MYRIP: variants seen among roughly 807,000 people sequenced by gnomAD.
The protein encoded by MYRIP is rab effector MyRIP.
MYRIP carries 49 observed loss-of-function variants against 98.0 expected under a neutral mutation model. That is an observed-to-expected ratio of 0.50 (90% CI 0.40 to 0.63). The LOEUF is 0.63. Among genes scored for constraint, MYRIP ranks in the 30% least tolerant of loss-of-function variants. The pLI is 0.00. For synonymous variants in MYRIP, 404 were observed against 409.5 expected (o/e 0.99, Z 0.16); for missense variants, 1,004 against 1,058.2 (o/e 0.95, Z 0.71).
chr3:40,198,966 C>T (rs1400395856), intron 10 of MYRIP, among the ~76,000 whole-genome samples: 1 of 151,832 alleles, frequency 6.6e-6, no homozygotes, highest in Admixed American at 6.6e-5. Context: ...AAGGGAAAAC[C>T]AGAGTAGGAA....
At chr3:39,845,730 A>G (rs1393824336) in intron 1 of MYRIP, among the ~76,000 whole-genome samples, 1 of 151,978 alleles carries the variant, frequency 6.6e-6, no homozygotes, top group Admixed American at 6.6e-5. Context: ...CTCCTGGATG[A>G]TAAGGGAATT....
At chr3:40,203,179 C>T (rs1273480439) in intron 10 of MYRIP, among the ~76,000 whole-genome samples, 1 of 152,026 alleles carries the variant, frequency 6.6e-6, no homozygotes, top group African/African-American at 2.4e-5. Context: ...ATCTGCCCAC[C>T]TCAGCCTCCC....
chr3:40,004,331 T>G (rs1946586453), intron 2 of MYRIP, among the ~76,000 whole-genome samples: 1 of 152,226 alleles, frequency 6.6e-6, no homozygotes, highest in Admixed American at 6.5e-5. Context: ...CCCTCTGCTG[T>G]GATGCTGAGA....
At chr3:39,896,944 G>A (rs1943623773) in intron 1 of MYRIP, among the ~76,000 whole-genome samples, 1 of 151,838 alleles carries the variant, frequency 6.6e-6, no homozygotes, top group Non-Finnish European at 1.5e-5. Flanking sequence ...ATTTTAGCCA[G>A]GAATAACATA....
chr3:39,954,197 G>T (rs921681929), intron 2 of MYRIP, among the ~76,000 whole-genome samples: 3 of 152,126 alleles, frequency 2.0e-5, no homozygotes, highest in Non-Finnish European at 4.4e-5. Context: ...ATCTGAGAAC[G>T]GATAGACTGC....
At chr3:39,932,848 C>T (rs1241692800) in intron 2 of MYRIP, among the ~76,000 whole-genome samples, 1 of 152,142 alleles carries the variant, frequency 6.6e-6, no homozygotes, top group African/African-American at 2.4e-5. Flanking sequence ...TGTCAGAGGC[C>T]AGGAGCCTCA....
intron 3 of MYRIP, among the ~76,000 whole-genome samples, chr3:40,134,913 TA>T (rs1372822758): frequency 6.6e-6 from 1 of 151,898 alleles, no homozygotes; most frequent in Admixed American, 6.6e-5. Flanking sequence ...GAAATGTAGA[TA>T]AAACCACAAA....
rs559882452 is a variant in MYRIP at position 39,827,318 on chromosome 3, C to T, written c.-31+17402C>T. Among the ~76,000 whole-genome samples, 9 of 152,212 alleles carry T rather than the reference C, an allele frequency of 5.9e-5. 1 individual carries two copies. In the East Asian group the frequency reaches 1.2e-3, roughly 20 times the overall value. ...TGTAGAGATGGGGCCTTACTGTGTT[C>T]ACTAGGCGGGTCTCAAACTCTTAGG... On this transcript the variant is annotated intron_variant, in intron 1 of 16. Transcript: ENST00000302541.
intron 7 of MYRIP, among the ~76,000 whole-genome samples, chr3:40,168,490 C>T (rs2693486): frequency 0.97 from 147,437 of 152,364 alleles, 71,507 homozygotes; most frequent in East Asian, 1. Context: ...CTGCACTGAA[C>T]ACACACCGCT....
At chr3:39,845,649 T>C (rs1941940966) in intron 1 of MYRIP, among the ~76,000 whole-genome samples, 1 of 152,124 alleles carries the variant, frequency 6.6e-6, no homozygotes, top group South Asian at 2.1e-4. Flanking sequence ...TAGTCTGCTT[T>C]CCAATAAATC....
chr3:40,081,743 A>G (rs192469632), intron 3 of MYRIP, among the ~76,000 whole-genome samples: 1 of 152,236 alleles, frequency 6.6e-6, no homozygotes, highest in African/African-American at 2.4e-5. Flanking sequence ...ATTATTAGCT[A>G]TAGTCAACAT....
chr3:40,238,970 A>C (rs866572546), intron 12 of MYRIP, among the ~76,000 whole-genome samples: 5 of 151,898 alleles, frequency 3.3e-5, no homozygotes, highest in South Asian at 2.1e-4. Flanking sequence ...GGTTAGTTAC[A>C]TATGTATACA....
chr3:40,072,679 A>C (rs2125860398), intron 3 of MYRIP, among the ~76,000 whole-genome samples: 1 of 152,184 alleles, frequency 6.6e-6, no homozygotes, highest in South Asian at 2.1e-4. Flanking sequence ...AAGCATGTGG[A>C]GATGTCTTGG....
chr3:40,063,977 T>A (rs9867011), intron 3 of MYRIP, among the ~76,000 whole-genome samples: 43,948 of 151,222 alleles, frequency 0.29, 6,441 homozygotes, highest in East Asian at 0.36. Flanking sequence ...ATGAGAAGAG[T>A]GTACAGCAGG....
At chr3:39,820,243 T>G (rs1941063964) in intron 1 of MYRIP, among the ~76,000 whole-genome samples, 1 of 152,254 alleles carries the variant, frequency 6.6e-6, no homozygotes, top group Non-Finnish European at 1.5e-5. Context: ...TGTCCTGTGA[T>G]ATGGTTCCCT....
intron 11 of MYRIP, among the ~76,000 whole-genome samples, chr3:40,218,631 TATA>T (rs1952224650): frequency 1.4e-4 from 2 of 13,896 alleles, no homozygotes; most frequent in Admixed American, 1.6e-3. Flanking sequence ...TATATATATA[TATA>T]TATATATATA....
At chr3:39,836,506 G>C (rs553220150) in intron 1 of MYRIP, among the ~76,000 whole-genome samples, 1 of 152,290 alleles carries the variant, frequency 6.6e-6, no homozygotes, top group East Asian at 1.9e-4. Context: ...TTGGTCAGAT[G>C]GATAGATTGC....
chr3:39,966,043 C>A (rs972346683), intron 2 of MYRIP, among the ~76,000 whole-genome samples: 2 of 152,038 alleles, frequency 1.3e-5, no homozygotes, highest in Non-Finnish European at 2.9e-5. Context: ...GGTGGCTGCC[C>A]CTGAGCTTCT....
At position 40,156,966 on chromosome 3, in the gene MYRIP, A is replaced by C. The variant is rs1196227908; in HGVS notation, c.470-5764A>C. Among the ~76,000 whole-genome samples the C allele has an allele frequency of 1.4e-4, 22 of 152,222 alleles. No individual in the cohort carries two copies. The East Asian group carries it at 1.7e-3, about 12-fold the overall frequency. On this transcript the variant is annotated intron_variant, in intron 4 of 16. Transcript: ENST00000302541. ...CAGGGACAATTTGACTTCCTCTTTT[A>C]CTAATTGAATACCCTTTATTTCCTT...
Sources: allele counts gnomAD v4.1 joint callset (sites outside exome capture counted in the v4.1 genomes callset), GRCh38; gene constraint gnomAD v4.1.1; transcripts MANE v1.5; gene names NCBI Gene and HGNC (gene_info 2026-07-23, HGNC 2026-07-21).